Variants in CLEC12A observed in about 807,000 individuals in gnomAD.
CLEC12A encodes C-type lectin protein CLL-1.
Under a neutral mutation model 26.5 loss-of-function variants are expected in CLEC12A, and 22 were observed. The ratio of observed to expected loss-of-function variants is 0.83; its 90% CI spans 0.59 to 1.19. The LOEUF (loss-of-function observed/expected upper bound fraction) is 1.19, where lower values mean the gene tolerates loss of function less well. CLEC12A is among the 50% of genes most tolerant of loss of function. CLEC12A has a pLI of 0.00. For missense variants in CLEC12A, 353 were observed against 315.6 expected, an observed-to-expected ratio of 1.12 and a Z score of -0.90; for synonymous variants, 119 against 101.9, an observed-to-expected ratio of 1.17 and a Z score of -1.01.
At position 9,978,978 on chromosome 12, in the gene CLEC12A, C is replaced by T. The variant is rs746425631; in HGVS notation, c.104C>T (p.Pro35Leu). Residue 35 changes from proline (P) to leucine (L), a missense_variant, in exon 2 of 6, where the codon CCC (proline) becomes CTC (leucine). Physicochemically the swap from Pro to Leu is moderately conservative, Grantham distance 98 (BLOSUM62 -3). Coordinates refer to ENST00000304361, the MANE Select transcript of CLEC12A (RefSeq NM_138337.6). ...GKFGEKAPPA[P>L]SHVWRPAALF... ...TTGCTTTCCACAGCACCTCCAGCTC[C>T]CTCTCATGTATGGCGTCCAGCAGCC... 1 of 1,613,808 alleles carries T rather than the reference C, an allele frequency of 6.2e-7. No homozygotes were observed. The highest frequency in any genetic ancestry group is 1.1e-5 in the South Asian group (1 of 91,072).
At chr12:9,978,739 T>C (rs1864436214) in intron 1 of CLEC12A, among the ~76,000 whole-genome samples, 1 of 152,226 alleles carries the variant, frequency 6.6e-6, no homozygotes, top group South Asian at 2.1e-4. Context: ...TAACAGCTTC[T>C]CCTGCCAGAA....
chr12:9,960,197 G>A (rs995205294), intron 1 of CLEC12A, among the ~76,000 whole-genome samples: 9 of 152,186 alleles, frequency 5.9e-5, no homozygotes, highest in African/African-American at 1.9e-4. Context: ...AAACAGTCAT[G>A]CTCTTGTGAA....
intron 1 of CLEC12A, among the ~76,000 whole-genome samples, chr12:9,964,584 G>A (rs1250405665): frequency 3.9e-5 from 6 of 152,182 alleles, no homozygotes; most frequent in Admixed American, 2.0e-4. Context: ...GGAGTTAAGA[G>A]TTGCCAGTCC....
At chr12:9,988,495 G>A (rs868770685), downstream of CLEC12A, among the ~76,000 whole-genome samples, 17 of 152,126 alleles carry the variant, frequency 1.1e-4, no homozygotes, top group African/African-American at 2.9e-4. Context: ...CAGAATCTAC[G>A]AAGAACTCAA....
At chr12:9,977,640 C>T (rs1481483775) in intron 1 of CLEC12A, among the ~76,000 whole-genome samples, 3 of 152,168 alleles carry the variant, frequency 2.0e-5, no homozygotes, top group Admixed American at 6.6e-5. Flanking sequence ...CTCTCTATAA[C>T]AGCTTAGTTT....
At chr12:9,994,830 C>T (rs955633448) in intron 4 of CLEC12A, among the ~76,000 whole-genome samples, 6 of 138,376 alleles carry the variant, frequency 4.3e-5, no homozygotes, top group Non-Finnish European at 6.6e-5. Context: ...CATGTGCATG[C>T]GCGCACACAC....
rs1864639603 is a variant in CLEC12A at position 9,983,433 on chromosome 12, G to A, written c.641+1304G>A. 9.0e-6 allele frequency: 6 copies of A among 665,742 alleles called. No homozygotes were observed. The Admixed American group carries it at 9.2e-5, about 10-fold the overall frequency. The allele number at this position is 665,742 out of a possible 1,614,324, so 41.2% of individuals were successfully genotyped here. On this transcript the variant is annotated intron_variant, in intron 5 of 5. Transcript: ENST00000304361. The stretch of plus-strand genomic sequence containing the variant: ...ACTATTTTAAGTGGATTTATACGTT[G>A]TATTTGTTCTGCTTATAATGGGAAA...
At chr12:9,973,115 C>G (rs1157593263) in intron 1 of CLEC12A, among the ~76,000 whole-genome samples, 1 of 152,104 alleles carries the variant, frequency 6.6e-6, no homozygotes, top group East Asian at 1.9e-4. Context: ...GTAATGTCTA[C>G]TCTTAGTCTC....
rs368861117 is a variant in CLEC12A at position 9,982,140 on chromosome 12, A to T, written c.641+11A>T. On this transcript the variant is annotated intron_variant, in intron 5 of 5. Transcript: ENST00000304361. The stretch of plus-strand genomic sequence containing the variant: ...CAACTCCTCTGCCTGGTAAGTGTCT[A>T]TTCTTGTTAGAATTTTATAGCTGGG... 7.1e-7 allele frequency: 1 copy of T among 1,412,058 alleles called. No homozygotes were observed. Among genetic ancestry groups the T allele is most frequent in the South Asian group, 1.2e-5 (1 of 86,320 alleles). 87.5% of individuals were successfully genotyped at this position (1,412,058 alleles called of 1,614,324 possible).
At chr12:9,968,079 T>C (rs1864007632), upstream of CLEC12A, among the ~76,000 whole-genome samples, 1 of 151,840 alleles carries the variant, frequency 6.6e-6, no homozygotes, top group Admixed American at 6.6e-5. Flanking sequence ...GGTTGAGGGA[T>C]AGTGAGAGAG....
intron 1 of CLEC12A, among the ~76,000 whole-genome samples, chr12:9,955,020 TGTC>T (rs1360732143): frequency 1.3e-5 from 2 of 152,200 alleles, no homozygotes; most frequent in Non-Finnish European, 2.9e-5. Flanking sequence ...ACTAATTTAA[TGTC>T]GTTAGGTTAA....
Position 9,979,011 on chromosome 12 carries a change from T to C in CLEC12A, c.137T>C (p.Leu46Pro). Residue 46 changes from leucine to proline, a missense_variant, in exon 2 of 6, where the codon CTG (leucine) becomes CCG (proline). Leu to Pro is a moderately conservative substitution (Grantham distance 98, BLOSUM62 -3). Transcript: ENST00000304361. ...GTATGGCGTCCAGCAGCCTTGTTTC[T>C]GACTCTTCTGTGCCTTCTGTTGCTC... ...SHVWRPAALF[L>P]TLLCLLLLIG... 1.2e-6 allele frequency: 2 copies of C among 1,614,012 alleles called. No individual in the cohort carries two copies. Among genetic ancestry groups the C allele is most frequent in the Non-Finnish European group, 1.7e-6 (2 of 1,179,884 alleles).
chr12:9,998,736 C>T (rs1454916936), downstream of CLEC12A, among the ~76,000 whole-genome samples: 1 of 152,170 alleles, frequency 6.6e-6, no homozygotes. Context: ...GAATCACACT[C>T]ATTTGCTCAC....
exon 5 of CLEC12A, chr12:9,995,275 T>C: frequency 2.6e-6 from 4 of 1,553,262 alleles, no homozygotes; most frequent in African/African-American, 1.4e-5. Context: ...AACACAATGG[T>C]CAGAATCCCT....
chr12:9,989,099 A>G (rs1488871187), downstream of CLEC12A, among the ~76,000 whole-genome samples: 21 of 151,992 alleles, frequency 1.4e-4, no homozygotes, highest in Admixed American at 7.9e-4. Context: ...CATTCTCAGC[A>G]AAGTATTGCA....
chr12:9,993,395 G>GAA, intron 4 of CLEC12A: 2 of 588,792 alleles, frequency 3.4e-6, no homozygotes, highest in South Asian at 1.9e-5. Flanking sequence ...GAGGAAAATA[G>GAA]GAAAAAAAAA....
downstream of CLEC12A, among the ~76,000 whole-genome samples, chr12:9,988,858 G>C (rs192083981): frequency 6.6e-6 from 1 of 152,138 alleles, no homozygotes; most frequent in Admixed American, 6.5e-5. Context: ...CCATCCCATT[G>C]CTGGGTATAT....
At chr12:9,960,887 C>T (rs527867239) in intron 1 of CLEC12A, among the ~76,000 whole-genome samples, 1 of 152,280 alleles carries the variant, frequency 6.6e-6, no homozygotes, top group South Asian at 2.1e-4. Context: ...CCTACCTCTG[C>T]CTAATTTCTA....
chr12:9,964,552 G>T (rs1027266848), intron 1 of CLEC12A, among the ~76,000 whole-genome samples: 4 of 152,160 alleles, frequency 2.6e-5, no homozygotes, highest in African/African-American at 9.7e-5. Context: ...TGCCAGCAAA[G>T]ATTATCTATC....
Sources: gnomAD v4.1 joint callset for allele counts (sites outside exome capture counted in the v4.1 genomes callset) on GRCh38, gnomAD v4.1.1 for gene constraint, MANE v1.5 for transcripts, NCBI Gene and HGNC (gene_info 2026-07-23, HGNC 2026-07-21) for gene names.